Variants in RETREG1 observed in about 807,000 individuals in gnomAD.
RETREG1 encodes reticulophagy regulator 1.
RETREG1 carries 44 observed loss-of-function variants against 54.8 expected under a neutral mutation model. The observed-to-expected ratio is 0.80, with a 90% CI of 0.63 to 1.03. RETREG1 has a LOEUF of 1.03. Ranked by LOEUF, RETREG1 falls within the 50% of genes least tolerant of loss-of-function variation. RETREG1 has a pLI of 0.00. For synonymous variants in RETREG1, 217 were observed against 238.5 expected (o/e 0.91, Z 0.83); for missense variants, 554 against 605.1 (o/e 0.92, Z 0.89).
chr5:16,488,206 TGTGAGAGGG>T (rs1196339078), intron 3 of RETREG1, among the ~76,000 whole-genome samples: 11 of 152,224 alleles, frequency 7.2e-5, no homozygotes, highest in African/African-American at 2.2e-4. Flanking sequence ...GGCAAGACGG[TGTGAGAGGG>T]AGCTGATATA....
At chr5:16,555,730 T>C (rs903231405) in intron 3 of RETREG1, among the ~76,000 whole-genome samples, 1 of 152,190 alleles carries the variant, frequency 6.6e-6, no homozygotes, top group Non-Finnish European at 1.5e-5. Flanking sequence ...TAAAGTTATT[T>C]TATAAATGCT....
At chr5:16,580,271 G>A (rs1172287518) in intron 1 of RETREG1, among the ~76,000 whole-genome samples, 1 of 152,156 alleles carries the variant, frequency 6.6e-6, no homozygotes, top group African/African-American at 2.4e-5. Flanking sequence ...CTCCCTATTA[G>A]CAGAGTGACC....
At chr5:16,545,699 A>C (rs1741367265) in intron 3 of RETREG1, among the ~76,000 whole-genome samples, 1 of 152,076 alleles carries the variant, frequency 6.6e-6, no homozygotes, top group South Asian at 2.1e-4. Context: ...TGTTCCTGGG[A>C]ACGTCTTGGT....
At chr5:16,583,411 T>C (rs2126327117) in intron 1 of RETREG1, among the ~76,000 whole-genome samples, 1 of 152,110 alleles carries the variant, frequency 6.6e-6, no homozygotes. Context: ...GAGAATCGCC[T>C]GAACCCTGGA....
chr5:16,583,174 T>G (rs2126326567), intron 1 of RETREG1, among the ~76,000 whole-genome samples: 1 of 152,210 alleles, frequency 6.6e-6, no homozygotes, highest in East Asian at 1.9e-4. Context: ...CTGCACTCAG[T>G]GGCTAACTAC....
intron 1 of RETREG1, among the ~76,000 whole-genome samples, chr5:16,599,787 A>G (rs1743002262): frequency 6.6e-6 from 1 of 152,180 alleles, no homozygotes; most frequent in Non-Finnish European, 1.5e-5. Flanking sequence ...AAAAATACTG[A>G]CAAAGATATG....
chr5:16,615,337 T>C (rs1743469016), intron 1 of RETREG1, among the ~76,000 whole-genome samples: 1 of 147,462 alleles, frequency 6.8e-6, no homozygotes, highest in Non-Finnish European at 1.5e-5. Context: ...GAGGCAGAGC[T>C]TGCAGCGAGC....
chr5:16,528,994 T>C (rs1383532545), intron 3 of RETREG1, among the ~76,000 whole-genome samples: 9 of 152,166 alleles, frequency 5.9e-5, no homozygotes, highest in Non-Finnish European at 1.2e-4. Context: ...TATTTTGAAA[T>C]TGAGTAAAAC....
intron 1 of RETREG1, among the ~76,000 whole-genome samples, chr5:16,578,400 A>G (rs1160531710): frequency 2.0e-5 from 3 of 152,220 alleles, no homozygotes; most frequent in Non-Finnish European, 4.4e-5. Flanking sequence ...TAAGTTTGTA[A>G]TTTTATAAAA....
At chr5:16,482,844 A>G (rs566222891) in intron 4 of RETREG1, among the ~76,000 whole-genome samples, 1 of 152,270 alleles carries the variant, frequency 6.6e-6, no homozygotes, top group Non-Finnish European at 1.5e-5. Context: ...CTTAATTGGA[A>G]AAATACTCAT....
intron 3 of RETREG1, among the ~76,000 whole-genome samples, chr5:16,505,123 G>C (rs1198067575): frequency 6.6e-6 from 1 of 152,084 alleles, no homozygotes; most frequent in African/African-American, 2.4e-5. Flanking sequence ...ACAAATGTAC[G>C]GCAGCCCTAC....
intron 1 of RETREG1, among the ~76,000 whole-genome samples, chr5:16,588,473 G>A (rs192594376): frequency 5.3e-5 from 8 of 152,244 alleles, no homozygotes; most frequent in Non-Finnish European, 1.2e-4. Flanking sequence ...GAATTTGGGG[G>A]CAGCACGATT....
intron 3 of RETREG1, among the ~76,000 whole-genome samples, chr5:16,499,999 T>C (rs563018017): frequency 1.3e-5 from 2 of 152,300 alleles, no homozygotes; most frequent in South Asian, 4.1e-4. Flanking sequence ...CAATTACACC[T>C]AGGGCAGGCC....
chr5:16,550,935 C>G (rs2617429), intron 3 of RETREG1, among the ~76,000 whole-genome samples: 51,544 of 151,894 alleles, frequency 0.34, 10,220 homozygotes, highest in Non-Finnish European at 0.44. Flanking sequence ...TGTCAGGAGC[C>G]GCAGGGAGGA....
chr5:16,595,139 A>T (rs1307051674), intron 1 of RETREG1, among the ~76,000 whole-genome samples: 2 of 152,226 alleles, frequency 1.3e-5, no homozygotes, highest in East Asian at 3.8e-4. Flanking sequence ...TTCCTGACTC[A>T]TGGTGAGAGT....
intron 3 of RETREG1, among the ~76,000 whole-genome samples, chr5:16,520,012 G>C (rs1740479539): frequency 6.6e-6 from 1 of 152,142 alleles, no homozygotes; most frequent in South Asian, 2.1e-4. Flanking sequence ...TTATGGGTTG[G>C]ACTGTGCCTC....
intron 1 of RETREG1, among the ~76,000 whole-genome samples, chr5:16,598,268 A>G (rs1409345644): frequency 6.6e-6 from 1 of 152,090 alleles, no homozygotes; most frequent in Non-Finnish European, 1.5e-5. Context: ...TACAACCACC[A>G]TGGCTGCCCT....
At chr5:16,505,830 C>G (rs1282858583) in intron 3 of RETREG1, among the ~76,000 whole-genome samples, 3 of 152,194 alleles carry the variant, frequency 2.0e-5, no homozygotes, top group African/African-American at 4.8e-5. Flanking sequence ...GTCGCTGCCC[C>G]CATTGTTCTT....
intron 4 of RETREG1, chr5:16,482,981 G>T (rs1029307001): frequency 1.0e-5 from 2 of 194,904 alleles, no homozygotes; most frequent in East Asian, 1.3e-4. Flanking sequence ...CACAGTCAAA[G>T]AACTATGTAT....
Sources: allele counts gnomAD v4.1 joint callset (sites outside exome capture counted in the v4.1 genomes callset), GRCh38; gene constraint gnomAD v4.1.1; transcripts MANE v1.5; gene names NCBI Gene and HGNC (gene_info 2026-07-23, HGNC 2026-07-21).